Variants in TDRD9 observed in about 807,000 individuals in gnomAD.
TDRD9 encodes ATP-dependent RNA helicase TDRD9.
A neutral mutation model predicts 172.6 loss-of-function variants in TDRD9; 124 were observed. The ratio of observed to expected loss-of-function variants is 0.72; its 90% CI spans 0.62 to 0.83. The LOEUF (loss-of-function observed/expected upper bound fraction) is 0.83, where lower values mean the gene tolerates loss of function less well. TDRD9 is among the 40% of genes least tolerant of loss of function. TDRD9 has a pLI of 0.00. For synonymous variants in TDRD9, 619 were observed against 617.1 expected (o/e 1.00, Z -0.05); for missense variants, 1,479 against 1,714.1 (o/e 0.86, Z 2.42).
chr14:103,996,703 C>A (rs573225561), intron 12 of TDRD9, among the ~76,000 whole-genome samples: 2 of 151,928 alleles, frequency 1.3e-5, no homozygotes, highest in African/African-American at 2.4e-5. Flanking sequence ...TAGCAGTAAG[C>A]AAAATAGACA....
At chr14:104,043,725 GGTTT>G (rs965360382) in intron 34 of TDRD9, among the ~76,000 whole-genome samples, 1 of 152,238 alleles carries the variant, frequency 6.6e-6, no homozygotes, top group South Asian at 2.1e-4. Flanking sequence ...AGTAGGTATT[GGTTT>G]GTTTGTTTTA....
At chr14:103,975,345 A>C in intron 6 of TDRD9, 44 bp from the exon 7 acceptor site, 1 of 1,571,590 alleles carries the variant, frequency 6.4e-7, no homozygotes, top group Non-Finnish European at 8.7e-7. Context: ...TTAATTTGTG[A>C]TGATTCTCAT....
Position 104,026,929 on chromosome 14 carries a change from A to G in TDRD9, c.3272A>G (p.Tyr1091Cys), listed in dbSNP as rs1341208151. The G allele has an allele frequency of 3.1e-6, 5 of 1,613,798 alleles. No individual in the cohort carries two copies. The highest frequency in any genetic ancestry group is 2.2e-5 in the East Asian group (1 of 44,858). ...TATGCCGAGCTCACGGAGGAGTCCT[A>G]CGAGTCCAAGGTGTGTGCTTTCGCC... is the stretch of plus-strand genomic sequence containing the variant. ...QGYAELTEES[Y>C]ESKQSHEVLK... is the part of the protein sequence containing the mutation. The change falls in exon 28 of 36, where the codon TAC (tyrosine) becomes TGC (cysteine). Residue 1091 changes from tyrosine (Y) to cysteine (C), a missense_variant. Physicochemically the swap from Tyr to Cys is radical, Grantham distance 194. Transcript: ENST00000409874.
chr14:103,934,475 A>T (rs1422104541), intron 1 of TDRD9, among the ~76,000 whole-genome samples: 1 of 145,266 alleles, frequency 6.9e-6, no homozygotes, highest in African/African-American at 2.4e-5. Context: ...CGGAGCTAAC[A>T]GGAGATCAAG....
intron 1 of TDRD9, among the ~76,000 whole-genome samples, chr14:103,955,101 T>A (rs561894507): frequency 6.6e-5 from 10 of 151,934 alleles, no homozygotes; most frequent in African/African-American, 2.4e-4. Flanking sequence ...TTTCTATATT[T>A]TTTATAGAGA....
intron 6 of TDRD9, among the ~76,000 whole-genome samples, chr14:103,972,061 G>C (rs573407884): frequency 3.9e-5 from 6 of 152,076 alleles, no homozygotes; most frequent in Non-Finnish European, 8.8e-5. Flanking sequence ...GGAGGCTGAC[G>C]GAGGATTGCT....
At chr14:103,987,451 C>T (rs2033712774) in intron 8 of TDRD9, among the ~76,000 whole-genome samples, 1 of 152,138 alleles carries the variant, frequency 6.6e-6, no homozygotes, top group Admixed American at 6.5e-5. Flanking sequence ...TATGTTGTGT[C>T]TTCATTTTCA....
At chr14:103,935,675 C>T (rs1377938358) in intron 1 of TDRD9, among the ~76,000 whole-genome samples, 2 of 152,016 alleles carry the variant, frequency 1.3e-5, no homozygotes, top group African/African-American at 4.8e-5. Context: ...GAGAAGGGCC[C>T]ACCTGGGGTG....
chr14:104,041,340 C>T (rs141481381), intron 33 of TDRD9, among the ~76,000 whole-genome samples: 1 of 152,086 alleles, frequency 6.6e-6, no homozygotes, highest in South Asian at 2.1e-4. Flanking sequence ...AAATACAACA[C>T]CCAAAGCACA....
At chr14:104,010,098 A>T (rs2034567449) in intron 20 of TDRD9, among the ~76,000 whole-genome samples, 1 of 151,874 alleles carries the variant, frequency 6.6e-6, no homozygotes, top group African/African-American at 2.4e-5. Context: ...GGTGTGCGTC[A>T]CCACGCTTGG....
At chr14:103,970,665 T>G in intron 6 of TDRD9, 44 bp downstream of exon 6, 1 of 1,444,460 alleles carries the variant, frequency 6.9e-7, no homozygotes, top group African/African-American at 1.4e-5. Context: ...AGGATTAAGA[T>G]TCATTGTTTA....
intron 8 of TDRD9, 70 bp downstream of exon 8, chr14:103,986,390 G>T (rs896164706): frequency 2.6e-6 from 3 of 1,142,606 alleles, no homozygotes; most frequent in Non-Finnish European, 3.7e-6. Context: ...ATTTGGAAAC[G>T]TTTTAGTGTT....
chr14:104,023,969 T>C (rs1292686179), intron 24 of TDRD9, among the ~76,000 whole-genome samples: 9 of 152,244 alleles, frequency 5.9e-5, no homozygotes, highest in Non-Finnish European at 1.3e-4. Context: ...TGGATCAAGA[T>C]CTTTCTTATA....
At position 104,046,769 on chromosome 14, in the gene TDRD9, C is replaced by T. The variant is rs190064481; in HGVS notation, c.3975-2839C>T. On this transcript the variant is annotated intron_variant, in intron 34 of 35. Transcript: ENST00000409874. ...CATGCCATTCTCCTGCCTCAGCCTC[C>T]TGAGTAGCTGGGACTACAGGTGCCC... Among the ~76,000 whole-genome samples the T allele has an allele frequency of 2.2e-4, 34 of 152,178 alleles. 1 individual carries two copies. In the East Asian group the frequency reaches 6.0e-3, roughly 27 times the overall value.
At chr14:103,971,498 A>G (rs994242226) in intron 6 of TDRD9, among the ~76,000 whole-genome samples, 4 of 151,360 alleles carry the variant, frequency 2.6e-5, no homozygotes, top group African/African-American at 9.7e-5. Context: ...TTTGGTATAG[A>G]TGGGGTTTTG....
intron 1 of TDRD9, among the ~76,000 whole-genome samples, chr14:103,930,852 G>T (rs2030341170): frequency 6.6e-6 from 1 of 152,158 alleles, no homozygotes; most frequent in African/African-American, 2.4e-5. Context: ...TTGTCAGAAA[G>T]TATAGATTTA....
Position 103,999,635 on chromosome 14 carries a change from TTTTTTAGAAAAC to T in TDRD9, c.1483+908_1483+919del, listed in dbSNP as rs2034183729. ...GAGAAGTGGCTTTTTTTTTTGTTTG[TTTTTTAGAAAAC>T]CTTTTGGGAAGGGTAGATAAAAGAC... On this transcript the variant is annotated intron_variant, in intron 13 of 35. Coordinates refer to ENST00000409874, the MANE Select transcript of TDRD9 (RefSeq NM_153046.3). 4.1e-4 allele frequency among the ~76,000 whole-genome samples: 54 copies of T among 130,384 alleles called. 1 individual carries two copies. Among genetic ancestry groups the T allele is most frequent in the East Asian group, 6.7e-4 (3 of 4,488 alleles). 85.5% of individuals were successfully genotyped at this position (130,384 alleles called of 152,430 possible).
At chr14:103,950,250 T>G (rs2031802525) in intron 1 of TDRD9, among the ~76,000 whole-genome samples, 1 of 151,872 alleles carries the variant, frequency 6.6e-6, no homozygotes, top group Admixed American at 6.6e-5. Context: ...CCACCATGCC[T>G]GGCTAATTTT....
At chr14:104,001,902 C>T (rs180958994) in intron 13 of TDRD9, among the ~76,000 whole-genome samples, 3 of 151,858 alleles carry the variant, frequency 2.0e-5, no homozygotes, top group Non-Finnish European at 2.9e-5. Flanking sequence ...CCACTGTGCC[C>T]GGCCTATGTT....
Sources: gnomAD v4.1 joint callset for allele counts (sites outside exome capture counted in the v4.1 genomes callset) on GRCh38, gnomAD v4.1.1 for gene constraint, MANE v1.5 for transcripts, NCBI Gene and HGNC (gene_info 2026-07-23, HGNC 2026-07-21) for gene names.